The following IQCH variants were observed in gnomAD, a reference collection of about 807,000 sequenced individuals.
The protein encoded by IQCH is IQ domain-containing protein H.
A neutral mutation model predicts 117.0 loss-of-function variants in IQCH; 98 were observed. That is an observed-to-expected ratio of 0.84 (90% confidence interval 0.71 to 0.99). The LOEUF is 0.99. IQCH is among the 50% of genes least tolerant of loss of function. The probability of loss-of-function intolerance (pLI) is 0.00; values close to 1 mark genes in which losing one functional copy is unlikely to be tolerated. For missense variants in IQCH, 1,102 were observed against 1,243.8 expected (o/e 0.89, Z 1.72); for synonymous variants, 412 against 448.2 (o/e 0.92, Z 1.02).
intron 10 of IQCH, among the ~76,000 whole-genome samples, chr15:67,379,153 A>G (rs1970835960): frequency 6.6e-6 from 1 of 152,214 alleles, no homozygotes. Context: ...GGATTCTCAT[A>G]TCTGCTTCTG....
At chr15:67,324,601 A>G (rs1968315240) in intron 4 of IQCH, among the ~76,000 whole-genome samples, 1 of 123,898 alleles carries the variant, frequency 8.1e-6, no homozygotes, top group Non-Finnish European at 1.7e-5. Context: ...CAGCAGTGAG[A>G]CTCTGTCTAA....
rs191982793 is a variant in IQCH, at chr15:67,353,544, G to C, written c.638-3801G>C. ...CCGGCTAATTTTTTGTATTTTAGTA[G>C]AGAGAGGGTTTCACCATGTTGCCCA... On this transcript the variant is annotated intron_variant, in intron 6 of 20. Coordinates refer to ENST00000335894, the MANE Select transcript of IQCH (RefSeq NM_001031715.3). Among the ~76,000 whole-genome samples the C allele has an allele frequency of 5.9e-3, 894 of 152,080 alleles. 10 individuals are homozygous for C. Among genetic ancestry groups the C allele is most frequent in the African/African-American group, 0.021 (860 of 41,500 alleles).
intron 4 of IQCH, among the ~76,000 whole-genome samples, chr15:67,285,392 T>A (rs1383278856): frequency 6.6e-6 from 1 of 152,140 alleles, no homozygotes; most frequent in African/African-American, 2.4e-5. Context: ...TTCTGTAGGT[T>A]GTCTGTTTAT....
At chr15:67,346,461 G>A (rs759017097) in intron 6 of IQCH, among the ~76,000 whole-genome samples, 1 of 152,096 alleles carries the variant, frequency 6.6e-6, no homozygotes, top group East Asian at 1.9e-4. Context: ...TCAGGCATTC[G>A]ATTCTCATAA....
intron 4 of IQCH, among the ~76,000 whole-genome samples, chr15:67,333,783 G>A (rs1968773989): frequency 6.6e-6 from 1 of 152,124 alleles, no homozygotes; most frequent in East Asian, 1.9e-4. Context: ...TTGGCAGGGT[G>A]CAGTGGTTCA....
chr15:67,465,334 C>A lies in IQCH; in HGVS notation c.2676+37C>A. The A allele has an allele frequency of 6.3e-7, 1 of 1,592,524 alleles. No homozygotes were observed. The highest frequency in any genetic ancestry group is 8.5e-7 in the Non-Finnish European group (1 of 1,170,308). ...GTGCTTCCTGAAGGTTCTCGGTGTT[C>A]AGCAACACCCACTGCCACTGCCTGA... On this transcript the variant is annotated intron_variant, in intron 17 of 20. Coordinates refer to ENST00000335894, the MANE Select transcript of IQCH (RefSeq NM_001031715.3). This position sits in a 1 kb window ranked among gnomAD's most constrained non-coding sequence, Gnocchi z 5.9.
At chr15:67,278,001 ATACTC>A (rs1204605670) in intron 3 of IQCH, among the ~76,000 whole-genome samples, 1 of 152,118 alleles carries the variant, frequency 6.6e-6, no homozygotes, top group African/African-American at 2.4e-5. Context: ...GAAGCATTCT[ATACTC>A]TATAATTAGG....
At chr15:67,441,495 G>A (rs1243092870) in intron 16 of IQCH, among the ~76,000 whole-genome samples, 1 of 152,186 alleles carries the variant, frequency 6.6e-6, no homozygotes, top group Non-Finnish European at 1.5e-5. Context: ...TATACTGTAA[G>A]TCCATAGTCA....
At chr15:67,316,446 A>G (rs963468692) in intron 4 of IQCH, among the ~76,000 whole-genome samples, 17 of 152,306 alleles carry the variant, frequency 1.1e-4, no homozygotes, top group Admixed American at 5.2e-4. Context: ...TAATCTAAAC[A>G]TTTACATCCC....
At chr15:67,352,467 T>G (rs958765572) in intron 6 of IQCH, among the ~76,000 whole-genome samples, 2 of 151,944 alleles carry the variant, frequency 1.3e-5, no homozygotes, top group African/African-American at 2.4e-5. Flanking sequence ...ATTATATTCT[T>G]TCAATTTCCA....
chr15:67,314,934 G>A (rs916535444), intron 4 of IQCH, among the ~76,000 whole-genome samples: 41 of 152,270 alleles, frequency 2.7e-4, no homozygotes, highest in Non-Finnish European at 1.5e-4. Flanking sequence ...ACAGGAAGAG[G>A]TATGGTTTTA....
rs113742070 is a variant in IQCH at position 67,312,676 on chromosome 15, A to G, written c.388-24299A>G. On this transcript the variant is annotated intron_variant, in intron 4 of 20. Coordinates refer to ENST00000335894, the MANE Select transcript of IQCH (RefSeq NM_001031715.3). ...TCTGTTGCAAGGAGGAAAATAGAGC[A>G]GCTACGAAAGTGGTAATGCTTGCAA... Among the ~76,000 whole-genome samples, 319 of 152,296 alleles carry G rather than the reference A, an allele frequency of 2.1e-3. 1 individual carries two copies. The highest frequency in any genetic ancestry group is 7.5e-3 in the African/African-American group (310 of 41,576).
chr15:67,340,453 A>AAAC (rs1969115856), intron 5 of IQCH, among the ~76,000 whole-genome samples: 1 of 130,436 alleles, frequency 7.7e-6, no homozygotes, highest in African/African-American at 2.7e-5. Context: ...AAAAAAAAAA[A>AAAC]AAAAAAAAAA....
At chr15:67,329,034 C>T (rs1229631154) in intron 4 of IQCH, among the ~76,000 whole-genome samples, 2 of 152,126 alleles carry the variant, frequency 1.3e-5, no homozygotes, top group Non-Finnish European at 2.9e-5. Context: ...CATGGTGGCT[C>T]ACACTTGTAA....
rs577068981 is a variant in IQCH, at chr15:67,271,210, C to T, written c.269+7994C>T. On this transcript the variant is annotated intron_variant, in intron 3 of 20. Transcript: ENST00000335894. ...GTCTCGAACTCCTGACGTTGTGATC[C>T]GCCCAGCTTGGCCTCCCAAAGTGCT... Among the ~76,000 whole-genome samples the T allele has an allele frequency of 5.3e-5, 8 of 152,284 alleles. No homozygotes were observed. The Middle Eastern group carries it at 0.01, about 194-fold the overall frequency.
rs927447338 is a variant in IQCH, at chr15:67,385,024, A to G, written c.1456+5A>G. 6.4e-7 allele frequency: 1 copy of G among 1,564,102 alleles called. No homozygotes were observed. Among genetic ancestry groups the G allele is most frequent in the Non-Finnish European group, 8.8e-7 (1 of 1,135,074 alleles). ...GGAGGCTGTGTGACATCTTAGGTAC[A>G]GTAAATAGTTTTACACAAATGACTC... On this transcript the variant is annotated splice_donor_5th_base_variant and intron_variant, in intron 11 of 20. Coordinates refer to ENST00000335894, the MANE Select transcript of IQCH (RefSeq NM_001031715.3). The surrounding 1 kb of genome is among the most constrained non-coding windows in gnomAD (Gnocchi z 4.6).
intron 4 of IQCH, among the ~76,000 whole-genome samples, chr15:67,334,827 GC>G (rs373740898): frequency 1.3e-5 from 2 of 152,106 alleles, no homozygotes; most frequent in African/African-American, 4.8e-5. Flanking sequence ...CTTTTCCATT[GC>G]TCATGAAATT....
In IQCH at chr15:67,416,440, C is replaced by G. The variant is rs1040695238; in HGVS notation, c.2098-491C>G. ...GCTGAGGCAGGAGAATCACTTGAAC[C>G]CGGGAGGCAGAGGTTGCAGTGAGCC... On this transcript the variant is annotated intron_variant, in intron 14 of 20. Coordinates refer to ENST00000335894, the MANE Select transcript of IQCH (RefSeq NM_001031715.3). The surrounding 1 kb of genome is among the most constrained non-coding windows in gnomAD (Gnocchi z 5.1). Among the ~76,000 whole-genome samples, 1 of 151,860 alleles carries G rather than the reference C, an allele frequency of 6.6e-6. No individual in the cohort carries two copies. The highest frequency in any genetic ancestry group is 2.4e-5 in the African/African-American group (1 of 41,292).
intron 18 of IQCH, among the ~76,000 whole-genome samples, chr15:67,487,770 G>T (rs1244004806): frequency 6.6e-6 from 1 of 152,004 alleles, no homozygotes; most frequent in Non-Finnish European, 1.5e-5. Context: ...GTGGGAAGTT[G>T]ATGAGTGGTC....
Sources: allele counts gnomAD v4.1 joint callset (sites outside exome capture counted in the v4.1 genomes callset), GRCh38; gene constraint gnomAD v4.1.1; non-coding constraint Gnocchi (gnomAD v3.1); transcripts MANE v1.5; gene names NCBI Gene and HGNC (gene_info 2026-07-23, HGNC 2026-07-21).